DPP10: variants seen among roughly 807,000 people sequenced by gnomAD.
The protein encoded by DPP10 is dipeptidyl peptidase like 10.
A neutral mutation model predicts 120.9 loss-of-function variants in DPP10; 33 were observed. The ratio of observed to expected loss-of-function variants is 0.27; its 90% CI spans 0.21 to 0.37. The LOEUF (loss-of-function observed/expected upper bound fraction) is 0.37. DPP10 is among the 10% of genes least tolerant of loss of function. DPP10 has a pLI of 1.00. For missense variants in DPP10, 816 were observed against 942.8 expected, an observed-to-expected ratio of 0.87 and a Z score of 1.76; for synonymous variants, 337 against 326.1, an observed-to-expected ratio of 1.03 and a Z score of -0.36.
chr2:115,328,159 T>C (rs2062475341), intron 2 of DPP10, among the ~76,000 whole-genome samples: 1 of 152,034 alleles, frequency 6.6e-6, no homozygotes, highest in Non-Finnish European at 1.5e-5. Context: ...AATATGACTT[T>C]ATAGAGCCAT....
At chr2:114,875,112 T>C (rs1691046097) in intron 1 of DPP10, among the ~76,000 whole-genome samples, 1 of 152,186 alleles carries the variant, frequency 6.6e-6, no homozygotes, top group Non-Finnish European at 1.5e-5. Flanking sequence ...ATTTTGTAGC[T>C]TGCCTTTACT....
chr2:114,914,030 A>C (rs1694587281), intron 1 of DPP10, among the ~76,000 whole-genome samples: 1 of 152,204 alleles, frequency 6.6e-6, no homozygotes, highest in African/African-American at 2.4e-5. Flanking sequence ...AATTAAAAAA[A>C]TAATTTTAAA....
At chr2:115,021,002 T>C (rs907873054) in intron 1 of DPP10, among the ~76,000 whole-genome samples, 1 of 152,058 alleles carries the variant, frequency 6.6e-6, no homozygotes, top group African/African-American at 2.4e-5. Flanking sequence ...TCAAAACCTC[T>C]AGAATACAGC....
intron 5 of DPP10, among the ~76,000 whole-genome samples, chr2:115,568,353 T>A (rs894555896): frequency 6.6e-6 from 1 of 151,292 alleles, no homozygotes; most frequent in Admixed American, 6.6e-5. Flanking sequence ...GGTTTTGGTG[T>A]GCACCTGTAG....
Position 114,684,700 on chromosome 2 carries a change from G to T in DPP10, c.60+241862G>T, listed in dbSNP as rs371281755. Among the ~76,000 whole-genome samples, 16 of 152,074 alleles carry T rather than the reference G, an allele frequency of 1.1e-4. No individual in the cohort carries two copies. In the East Asian group the frequency reaches 1.8e-3, roughly 17 times the overall value. Reference sequence around the variant, plus strand: ...GAGTCTGGTATGCTTCAGACAAGCAGTTACACATTTCACGAAGGAAAGAGG... The same window carrying T: ...GAGTCTGGTATGCTTCAGACAAGCATTTACACATTTCACGAAGGAAAGAGG... On this transcript the variant is annotated intron_variant, in intron 1 of 25. Transcript: ENST00000410059.
At chr2:115,564,234 T>TGAAA (rs2080861945) in intron 5 of DPP10, among the ~76,000 whole-genome samples, 1 of 107,740 alleles carries the variant, frequency 9.3e-6, no homozygotes, top group Non-Finnish European at 1.8e-5. Context: ...GATCATGTCT[T>TGAAA]TTTTTTTTTT....
At chr2:114,630,305 A>G (rs1363096273) in intron 1 of DPP10, among the ~76,000 whole-genome samples, 2 of 152,178 alleles carry the variant, frequency 1.3e-5, no homozygotes, top group African/African-American at 2.4e-5. Context: ...GTCTTTGAAA[A>G]GCTCAGAAAG....
At chr2:114,638,619 A>G (rs1276108904) in intron 1 of DPP10, among the ~76,000 whole-genome samples, 1 of 151,844 alleles carries the variant, frequency 6.6e-6, no homozygotes, top group African/African-American at 2.4e-5. Context: ...AAAAAGCCAA[A>G]TAATAACAGA....
chr2:114,530,703 G>A (rs1046049342), intron 1 of DPP10, among the ~76,000 whole-genome samples: 7 of 152,106 alleles, frequency 4.6e-5, no homozygotes, highest in Non-Finnish European at 1.0e-4. Flanking sequence ...GATTGCAGCA[G>A]AAGCATCTAT....
intron 1 of DPP10, among the ~76,000 whole-genome samples, chr2:115,277,042 C>T (rs1478892153): frequency 6.6e-6 from 1 of 152,126 alleles, no homozygotes; most frequent in Non-Finnish European, 1.5e-5. Context: ...TTCTCAATTT[C>T]AGGTCCATTA....
Position 115,844,192 on chromosome 2 carries a change from G to T in DPP10, c.*1847G>T, listed in dbSNP as rs1690423298. 1 of 152,480 alleles carries T rather than the reference G, an allele frequency of 6.6e-6. No individual in the cohort carries two copies. The highest frequency in any genetic ancestry group is 1.5e-5 in the Non-Finnish European group (1 of 67,996). The allele number at this position is 152,480 out of a possible 1,614,324, so 9.4% of individuals were successfully genotyped here. A position where few individuals can be genotyped will look rare whatever the true frequency, so the allele number is the denominator to read the frequency against. ...AAGTTTTGCCTATTTTATTAAGATG[G>T]AAATTTCTTTTTAGGCTAATTTGAA... On this transcript the variant is annotated 3_prime_UTR_variant, in exon 26 of 26. Coordinates refer to ENST00000410059, the MANE Select transcript of DPP10 (RefSeq NM_020868.6).
At chr2:114,696,662 G>C (rs536753024) in intron 1 of DPP10, among the ~76,000 whole-genome samples, 1 of 151,822 alleles carries the variant, frequency 6.6e-6, no homozygotes, top group Non-Finnish European at 1.5e-5. Flanking sequence ...TTGGTGCCTG[G>C]TTGGCAAAAA....
At chr2:114,850,530 G>A (rs1019663368) in intron 1 of DPP10, among the ~76,000 whole-genome samples, 3 of 151,928 alleles carry the variant, frequency 2.0e-5, no homozygotes, top group African/African-American at 7.3e-5. Context: ...CATTAGGAAG[G>A]CATTTTATTA....
chr2:115,103,180 C>G (rs1573623643), intron 1 of DPP10, among the ~76,000 whole-genome samples: 1 of 144,704 alleles, frequency 6.9e-6, no homozygotes, highest in East Asian at 2.0e-4. Context: ...GATTCTGATT[C>G]TCTCTTTTTT....
chr2:114,491,994 G>A (rs1244498535), intron 1 of DPP10, among the ~76,000 whole-genome samples: 1 of 152,072 alleles, frequency 6.6e-6, no homozygotes, highest in Admixed American at 6.6e-5. Flanking sequence ...ACTAATGAAT[G>A]AATATAAGCT....
At chr2:115,014,378 C>G (rs1702483049) in intron 1 of DPP10, among the ~76,000 whole-genome samples, 1 of 152,066 alleles carries the variant, frequency 6.6e-6, no homozygotes, top group East Asian at 1.9e-4. Context: ...TCTAAATACC[C>G]ACAGGAGAAA....
chr2:115,410,166 A>C (rs963352014), intron 3 of DPP10, among the ~76,000 whole-genome samples: 1 of 152,250 alleles, frequency 6.6e-6, no homozygotes, highest in Non-Finnish European at 1.5e-5. Flanking sequence ...TTCTGTTATA[A>C]AGATACGTGC....
chr2:114,540,559 T>C (rs550286811), intron 1 of DPP10, among the ~76,000 whole-genome samples: 4 of 152,234 alleles, frequency 2.6e-5, no homozygotes, highest in Non-Finnish European at 5.9e-5. Context: ...AAACTTCATA[T>C]TGTGTTTCCT....
At chr2:114,916,866 T>C (rs1028357020) in intron 1 of DPP10, among the ~76,000 whole-genome samples, 1 of 152,102 alleles carries the variant, frequency 6.6e-6, no homozygotes, top group East Asian at 1.9e-4. Context: ...AAAACCATAC[T>C]GAGTGGGCAA....
Sources: gnomAD v4.1 joint callset for allele counts (sites outside exome capture counted in the v4.1 genomes callset) on GRCh38, gnomAD v4.1.1 for gene constraint, MANE v1.5 for transcripts, NCBI Gene and HGNC (gene_info 2026-07-23, HGNC 2026-07-21) for gene names.